Variants in TSPAN2 observed in about 807,000 individuals in gnomAD.
TSPAN2 encodes tetraspanin 2.
In TSPAN2, 24 loss-of-function variants were observed where a neutral mutation model predicts 33.3. That is an observed-to-expected ratio of 0.72 (90% CI 0.52 to 1.01). The LOEUF is 1.01. TSPAN2 is among the 50% of genes least tolerant of loss of function. The pLI is 0.00. For missense variants in TSPAN2, 278 were observed against 281.3 expected, an observed-to-expected ratio of 0.99 and a Z score of 0.08; for synonymous variants, 114 against 104.5, an observed-to-expected ratio of 1.09 and a Z score of -0.56.
intron 6 of TSPAN2, among the ~76,000 whole-genome samples, chr1:115,056,331 C>T (rs184167600): frequency 2.6e-5 from 4 of 152,276 alleles, no homozygotes; most frequent in African/African-American, 9.6e-5. Context: ...AGGATGCTCT[C>T]TCTCCTCACA....
At chr1:115,072,859 G>T in intron 2 of TSPAN2, 46 bp downstream of exon 2, 1 of 1,478,896 alleles carries the variant, frequency 6.8e-7, no homozygotes, top group Non-Finnish European at 9.5e-7. Context: ...TCTTTGCACA[G>T]CCCCATCTAC....
chr1:115,063,545 C>T (rs1421252115), intron 2 of TSPAN2, among the ~76,000 whole-genome samples: 1 of 152,210 alleles, frequency 6.6e-6, no homozygotes, highest in African/African-American at 2.4e-5. Flanking sequence ...TACCACTCGA[C>T]CCGGCAATCC....
At chr1:115,066,248 T>C (rs1321415482) in intron 2 of TSPAN2, among the ~76,000 whole-genome samples, 1 of 152,330 alleles carries the variant, frequency 6.6e-6, no homozygotes, top group East Asian at 1.9e-4. Context: ...ATTTCCTTTC[T>C]TTTGGATATA....
At chr1:115,052,869 T>C (rs1237183387) in intron 7 of TSPAN2, among the ~76,000 whole-genome samples, 1 of 152,236 alleles carries the variant, frequency 6.6e-6, no homozygotes, top group African/African-American at 2.4e-5. Context: ...ATAAGGTTTA[T>C]ATATTAACAG....
At chr1:115,055,365 C>T (rs1647358016) in intron 6 of TSPAN2, among the ~76,000 whole-genome samples, 1 of 150,742 alleles carries the variant, frequency 6.6e-6, no homozygotes, top group Admixed American at 6.6e-5. Flanking sequence ...TGTATTCTCA[C>T]CATAAAAGGT....
At chr1:115,061,613 C>T (rs1245497024) in intron 3 of TSPAN2, among the ~76,000 whole-genome samples, 1 of 152,154 alleles carries the variant, frequency 6.6e-6, no homozygotes, top group Non-Finnish European at 1.5e-5. Flanking sequence ...ATCTTTACAC[C>T]AATGACGTCA....
chr1:115,053,262 G>T (rs1446868252), intron 7 of TSPAN2, 117 bp downstream of exon 7: 3 of 819,240 alleles, frequency 3.7e-6, no homozygotes, highest in African/African-American at 1.8e-5. Context: ...GTGAACAAAG[G>T]TCTTTTTTCT....
At chr1:115,055,094 C>G (rs1647341754) in intron 6 of TSPAN2, among the ~76,000 whole-genome samples, 1 of 152,142 alleles carries the variant, frequency 6.6e-6, no homozygotes, top group South Asian at 2.1e-4. Flanking sequence ...TTTTTTCCTT[C>G]CTATACATTC....
At chr1:115,055,992 C>T (rs972632726) in intron 6 of TSPAN2, among the ~76,000 whole-genome samples, 7 of 152,100 alleles carry the variant, frequency 4.6e-5, no homozygotes, top group Admixed American at 6.5e-5. Context: ...GAATAAACTC[C>T]GAGAAGTGGA....
chr1:115,080,196 A>G (rs1307286676), intron 1 of TSPAN2, among the ~76,000 whole-genome samples: 1 of 152,180 alleles, frequency 6.6e-6, no homozygotes, highest in Non-Finnish European at 1.5e-5. Flanking sequence ...ATTATACATA[A>G]TGTCTTTTCT....
chr1:115,076,461 C>A (rs1029549271), intron 1 of TSPAN2, among the ~76,000 whole-genome samples: 1 of 152,072 alleles, frequency 6.6e-6, no homozygotes. Flanking sequence ...TCAGACATAG[C>A]AGGGAGCCAA....
At chr1:115,079,438 G>T (rs1648541410) in intron 1 of TSPAN2, among the ~76,000 whole-genome samples, 1 of 152,180 alleles carries the variant, frequency 6.6e-6, no homozygotes. Flanking sequence ...GGGTAATGGA[G>T]TCTCACCCTC....
At chr1:115,072,855 C>G (rs144352432) in intron 2 of TSPAN2, 50 bp downstream of exon 2, 55,472 of 1,472,312 alleles carry the variant, frequency 0.038, 1,293 homozygotes, top group Non-Finnish European at 0.042. Context: ...TAAGTCTTTG[C>G]ACAGCCCCAT....
intron 1 of TSPAN2, among the ~76,000 whole-genome samples, chr1:115,087,481 C>T (rs2798465): frequency 0.97 from 147,915 of 151,904 alleles, 72,039 homozygotes; most frequent in East Asian, 1. Context: ...CCAGACGTGG[C>T]GGAGGGTGCT....
In TSPAN2 at chr1:115,057,505, C is replaced by T. The variant is rs778171584; in HGVS notation, c.516+32G>A. ...TTCCTAAGCTAGCAGCATGATACTA[C>T]AGGTAGAGTAAGAACCTTGGTAGAA... On this transcript the variant is annotated intron_variant, in intron 6 of 7. Coordinates refer to ENST00000369516, the MANE Select transcript of TSPAN2 (RefSeq NM_005725.6). 5.6e-6 allele frequency: 9 copies of T among 1,596,244 alleles called. No homozygotes were observed. In the South Asian group the frequency reaches 8.8e-5, roughly 16 times the overall value.
At chr1:115,085,364 A>G (rs1648794338) in intron 1 of TSPAN2, among the ~76,000 whole-genome samples, 2 of 152,194 alleles carry the variant, frequency 1.3e-5, no homozygotes, top group Admixed American at 6.5e-5. Context: ...GCCTGGTTGT[A>G]TGTTTATGAA....
At chr1:115,054,846 G>A (rs1258181276) in intron 6 of TSPAN2, among the ~76,000 whole-genome samples, 1 of 152,050 alleles carries the variant, frequency 6.6e-6, no homozygotes, top group East Asian at 1.9e-4. Flanking sequence ...AATTAGCCGG[G>A]CATGGTGGCA....
intron 1 of TSPAN2, among the ~76,000 whole-genome samples, chr1:115,076,179 A>T (rs1161382090): frequency 6.6e-6 from 1 of 152,196 alleles, no homozygotes; most frequent in Non-Finnish European, 1.5e-5. Context: ...GTGAGAAGTC[A>T]CTGGGCAAGG....
intron 1 of TSPAN2, among the ~76,000 whole-genome samples, chr1:115,088,992 G>T (rs1034369237): frequency 8.8e-5 from 12 of 136,846 alleles, no homozygotes; most frequent in African/African-American, 3.1e-4. Flanking sequence ...TGAAAAGGGG[G>T]TGTGTGCACG....
Sources: gnomAD v4.1 joint callset for allele counts (sites outside exome capture counted in the v4.1 genomes callset) on GRCh38, gnomAD v4.1.1 for gene constraint, MANE v1.5 for transcripts, NCBI Gene and HGNC (gene_info 2026-07-23, HGNC 2026-07-21) for gene names.